The following BIN3 variants were observed in gnomAD, a reference collection of about 807,000 sequenced individuals.
The protein encoded by BIN3 is bridging integrator 3.
In BIN3, 41 loss-of-function variants were observed where a neutral mutation model predicts 38.2. The observed-to-expected ratio is 1.07, with a 90% confidence interval of 0.84 to 1.39. The LOEUF is 1.39. Among genes scored for constraint, BIN3 ranks in the 40% most tolerant of loss-of-function variants. BIN3 has a pLI of 0.00. For synonymous variants in BIN3, 145 were observed against 122.6 expected, an observed-to-expected ratio of 1.18 and a Z score of -1.21; for missense variants, 361 against 324.3, an observed-to-expected ratio of 1.11 and a Z score of -0.87.
chr8:22,640,524 T>C (rs971318495), intron 2 of BIN3, among the ~76,000 whole-genome samples: 2 of 152,168 alleles, frequency 1.3e-5, no homozygotes, highest in African/African-American at 4.8e-5. Context: ...ATATGACAGC[T>C]GAGCAGCATC....
chr8:22,650,225 A>G (rs1802847699), intron 1 of BIN3, among the ~76,000 whole-genome samples: 1 of 152,240 alleles, frequency 6.6e-6, no homozygotes, highest in African/African-American at 2.4e-5. Context: ...CAAGGCTTTG[A>G]CACATTTTGA....
At chr8:22,650,385 T>C (rs888309075) in intron 1 of BIN3, among the ~76,000 whole-genome samples, 7 of 152,266 alleles carry the variant, frequency 4.6e-5, no homozygotes, top group African/African-American at 1.7e-4. Context: ...TTGTGTTTAA[T>C]GTACAGAAGC....
intron 4 of BIN3, among the ~76,000 whole-genome samples, chr8:22,633,778 G>C (rs945770580): frequency 2.6e-5 from 4 of 152,194 alleles, no homozygotes; most frequent in Non-Finnish European, 5.9e-5. Flanking sequence ...GCTGGAGGTG[G>C]GGCCCAGCGG....
intron 1 of BIN3, among the ~76,000 whole-genome samples, chr8:22,648,763 G>A (rs114481086): frequency 7.1e-4 from 108 of 152,186 alleles, no homozygotes; most frequent in African/African-American, 2.6e-3. Flanking sequence ...TATCAGTATG[G>A]ACTCACAGAT....
chr8:22,644,631 C>T (rs1053922698), intron 2 of BIN3, 124 bp downstream of exon 2: 6 of 874,176 alleles, frequency 6.9e-6, no homozygotes, highest in Non-Finnish European at 1.1e-5. Flanking sequence ...TCCGCATAAG[C>T]AGGAAGAAGG....
intron 1 of BIN3, among the ~76,000 whole-genome samples, chr8:22,666,089 C>G (rs910187748): frequency 6.6e-6 from 1 of 152,130 alleles, no homozygotes; most frequent in African/African-American, 2.4e-5. Context: ...TTTTGTCAAA[C>G]TACTGGACCC....
intron 6 of BIN3, chr8:22,625,855 T>C (rs1313198954): frequency 6.2e-6 from 1 of 161,466 alleles, no homozygotes; most frequent in African/African-American, 2.4e-5. Context: ...CCCAAAGTGC[T>C]GGGATTACAG....
chr8:22,623,949 A>T lies in BIN3; in HGVS notation c.581T>A (p.Phe194Tyr). 1 of 1,611,974 alleles carries T rather than the reference A, an allele frequency of 6.2e-7. No homozygotes were observed. Among genetic ancestry groups the T allele is most frequent in the Non-Finnish European group, 8.5e-7 (1 of 1,179,442 alleles). ...PRFYGSRLDY[F>Y]QPSFESLIRA... ...GATGAGGGACTCAAAGCTGGGCTGG[A>T]AGTAGTCGAGGCGGCTGCCGTAGAA... The change falls in exon 8 of 9, where the codon TTC becomes TAC. Residue 194 changes from phenylalanine to tyrosine, a missense_variant. By Grantham distance (22) the Phe-to-Tyr change is conservative. Transcript: ENST00000276416.
intron 2 of BIN3, among the ~76,000 whole-genome samples, chr8:22,644,143 C>A (rs1025075165): frequency 6.6e-6 from 1 of 152,260 alleles, no homozygotes; most frequent in Non-Finnish European, 1.5e-5. Flanking sequence ...ACTAGATGGT[C>A]TCTATGAGCT....
chr8:22,665,553 C>T (rs1167340023), intron 1 of BIN3, among the ~76,000 whole-genome samples: 1 of 152,172 alleles, frequency 6.6e-6, no homozygotes, highest in Admixed American at 6.5e-5. Context: ...GAAGCGTGGC[C>T]TGACTCTTGA....
intron 4 of BIN3, among the ~76,000 whole-genome samples, chr8:22,632,340 C>T (rs373580476): frequency 5.3e-5 from 8 of 152,290 alleles, no homozygotes; most frequent in African/African-American, 1.9e-4. Context: ...CAGCGCTGAG[C>T]GGACTAGCCA....
rs1289434164 is a variant in BIN3, at chr8:22,649,886, T to C, written c.9-5083A>G. ...CCAAAGGAAAAAATTAACAGTAATATCCTGAATCACAGTGTGTACATGTGT... is the reference window on the plus strand; with the variant it reads ...CCAAAGGAAAAAATTAACAGTAATACCCTGAATCACAGTGTGTACATGTGT... On this transcript the variant is annotated intron_variant, in intron 1 of 8. Coordinates refer to ENST00000276416, the MANE Select transcript of BIN3 (RefSeq NM_018688.6). 9.5e-5 allele frequency among the ~76,000 whole-genome samples: 14 copies of C among 147,694 alleles called. No homozygotes were observed. The East Asian group carries it at 2.8e-3, about 29-fold the overall frequency.
intron 4 of BIN3, among the ~76,000 whole-genome samples, chr8:22,634,249 C>A (rs1173089265): frequency 6.6e-6 from 1 of 152,208 alleles, no homozygotes; most frequent in Non-Finnish European, 1.5e-5. Context: ...GACAAACTCC[C>A]AAATCCAGTC....
intron 1 of BIN3, among the ~76,000 whole-genome samples, chr8:22,645,745 T>G (rs1802695577): frequency 6.6e-6 from 1 of 152,200 alleles, no homozygotes; most frequent in Non-Finnish European, 1.5e-5. Flanking sequence ...CTATATTAGG[T>G]GCTTTGCTAC....
At chr8:22,651,982 A>G (rs1260477735) in intron 1 of BIN3, among the ~76,000 whole-genome samples, 2 of 138,772 alleles carry the variant, frequency 1.4e-5, no homozygotes, top group East Asian at 2.0e-4. Flanking sequence ...TAACGCTTCT[A>G]CCAAGTTTTT....
chr8:22,633,424 C>T (rs974158223), intron 4 of BIN3, among the ~76,000 whole-genome samples: 3 of 152,246 alleles, frequency 2.0e-5, no homozygotes, highest in Non-Finnish European at 2.9e-5. Flanking sequence ...GCCTGGCCCA[C>T]ACCAGGAGGC....
chr8:22,658,278 A>C (rs948381801), intron 1 of BIN3, among the ~76,000 whole-genome samples: 2 of 152,170 alleles, frequency 1.3e-5, no homozygotes, highest in Non-Finnish European at 2.9e-5. Flanking sequence ...AAAAAAGAAA[A>C]AAAGTTCTGT....
intron 4 of BIN3, among the ~76,000 whole-genome samples, chr8:22,634,812 G>C (rs775380127): frequency 6.6e-6 from 1 of 152,214 alleles, no homozygotes; most frequent in Non-Finnish European, 1.5e-5. Context: ...GCAAAGGAAT[G>C]AGTGGGGCAT....
At chr8:22,635,452 C>G (rs1802337281) in intron 4 of BIN3, among the ~76,000 whole-genome samples, 1 of 152,062 alleles carries the variant, frequency 6.6e-6, no homozygotes, top group South Asian at 2.1e-4. Context: ...GGTCCTCGTC[C>G]CAGTGTGGTA....
Sources: allele counts gnomAD v4.1 joint callset (sites outside exome capture counted in the v4.1 genomes callset), GRCh38; gene constraint gnomAD v4.1.1; transcripts MANE v1.5; gene names NCBI Gene and HGNC (gene_info 2026-07-23, HGNC 2026-07-21).